FAM234B: variants seen among roughly 807,000 people sequenced by gnomAD.
FAM234B encodes the protein protein FAM234B.
A neutral mutation model predicts 69.3 loss-of-function variants in FAM234B; 33 were observed. The ratio of observed to expected loss-of-function variants is 0.48; its 90% CI spans 0.36 to 0.64. The LOEUF (loss-of-function observed/expected upper bound fraction) is 0.64. Ranked by LOEUF, FAM234B falls within the 30% of genes least tolerant of loss-of-function variation. The pLI, the probability that FAM234B is intolerant of heterozygous loss-of-function variation, is 0.00. For synonymous variants in FAM234B, 306 were observed against 306.9 expected (o/e 1.00, Z 0.03); for missense variants, 697 against 769.7 (o/e 0.91, Z 1.12).
At chr12:13,079,240 CCTA>C (rs1865196715) in intron 11 of FAM234B, among the ~76,000 whole-genome samples, 1 of 152,082 alleles carries the variant, frequency 6.6e-6, no homozygotes, top group Non-Finnish European at 1.5e-5. Flanking sequence ...ACGCTGCATA[CCTA>C]CAACTATCTG....
At chr12:13,054,205 A>G (rs1223807790) in intron 1 of FAM234B, among the ~76,000 whole-genome samples, 1 of 152,208 alleles carries the variant, frequency 6.6e-6, no homozygotes, top group Non-Finnish European at 1.5e-5. Context: ...AAAGACAGGC[A>G]TAAGAAATTA....
At chr12:13,070,172 GATATATATATATATATATATATAT>G (rs66463903) in intron 9 of FAM234B, among the ~76,000 whole-genome samples, 8 of 139,776 alleles carry the variant, frequency 5.7e-5, no homozygotes, top group African/African-American at 1.6e-4. Context: ...ATTAAAAAAA[GATATATATATATATATATATATAT>G]ATATATATAT....
intron 3 of FAM234B, 31 bp from the exon 4 acceptor site, chr12:13,061,544 T>C (rs1864982201): frequency 6.3e-7 from 1 of 1,578,232 alleles, no homozygotes; most frequent in Non-Finnish European, 8.6e-7. Flanking sequence ...TTGCCTGCTT[T>C]CCTTTTTTTA....
At chr12:13,079,051 T>C (rs1223940510) in intron 11 of FAM234B, among the ~76,000 whole-genome samples, 1 of 152,000 alleles carries the variant, frequency 6.6e-6, no homozygotes, top group Non-Finnish European at 1.5e-5. Context: ...TTAAAGTTCA[T>C]ATGGAACCAA....
At chr12:13,057,400 A>C (rs968084883) in intron 2 of FAM234B, among the ~76,000 whole-genome samples, 1 of 152,022 alleles carries the variant, frequency 6.6e-6, no homozygotes, top group Non-Finnish European at 1.5e-5. Flanking sequence ...CATGGTATGA[A>C]TATCTCATGA....
chr12:13,070,439 C>CGG (rs1865093515), intron 9 of FAM234B, among the ~76,000 whole-genome samples: 1 of 151,942 alleles, frequency 6.6e-6, no homozygotes, highest in South Asian at 2.1e-4. Context: ...ATAGGGCAAG[C>CGG]GGTTGTCCAA....
At chr12:13,066,998 ACCCACTTAATCACCTC>A in intron 6 of FAM234B, 141 bp from the exon 7 acceptor site, 2 of 957,146 alleles carry the variant, frequency 2.1e-6, no homozygotes, top group Non-Finnish European at 3.1e-6. Context: ...CTTGTCCAGC[ACCCACTTAATCACCTC>A]CCCACTTGTT....
Position 13,079,864 on chromosome 12 carries a change from C to A in FAM234B, c.1718C>A (p.Ala573Glu), listed in dbSNP as rs759108959. 6.2e-6 allele frequency: 10 copies of A among 1,613,968 alleles called. No homozygotes were observed. The highest frequency in any genetic ancestry group is 6.8e-6 in the Non-Finnish European group (8 of 1,179,974). Residue 573 changes from alanine to glutamate, a missense_variant, in exon 12 of 13, where the codon GCA becomes GAA. Around this residue, in one of 3 missense-constraint regions of FAM234B, gnomAD observed 313 missense variants for 305.5 expected, o/e 1.02. Coordinates refer to ENST00000197268, the MANE Select transcript of FAM234B (RefSeq NM_020853.2). ...TTGPSSEGHP[A>E]ALVVSKLSLR... is the part of the protein sequence containing the mutation. ...GGGCCAAGCTCCGAAGGCCATCCAG[C>A]AGCCCTGGTGGTCAGCAAGCTTAGT... is the stretch of plus-strand genomic sequence containing the variant.
At chr12:13,061,481 A>G in intron 3 of FAM234B, 94 bp from the exon 4 acceptor site, 1 of 1,031,804 alleles carries the variant, frequency 9.7e-7, no homozygotes, top group South Asian at 1.6e-5. Context: ...CTGCCTTACC[A>G]CCATCCACTT....
intron 4 of FAM234B, 122 bp from the exon 5 acceptor site, chr12:13,062,723 G>A: frequency 1.0e-6 from 1 of 982,524 alleles, no homozygotes. Context: ...CAATAAGTAG[G>A]TAGGAGTTGC....
chr12:13,050,846 C>A (rs1180080166), intron 1 of FAM234B, among the ~76,000 whole-genome samples: 1 of 152,192 alleles, frequency 6.6e-6, no homozygotes, highest in African/African-American at 2.4e-5. Context: ...CAGTTGTCAT[C>A]ATCGTCATCA....
At chr12:13,046,053 G>T (rs1864807251) in intron 1 of FAM234B, among the ~76,000 whole-genome samples, 1 of 152,180 alleles carries the variant, frequency 6.6e-6, no homozygotes, top group Non-Finnish European at 1.5e-5. Context: ...AGGCAGCTTG[G>T]CCCTGAGCCC....
At chr12:13,054,852 T>C (rs1331029587) in intron 1 of FAM234B, among the ~76,000 whole-genome samples, 3 of 152,182 alleles carry the variant, frequency 2.0e-5, no homozygotes, top group Non-Finnish European at 4.4e-5. Context: ...GCAAAGCACC[T>C]TCAAGACAAG....
chr12:13,060,147 G>A (rs533877661), intron 3 of FAM234B, among the ~76,000 whole-genome samples: 1 of 152,218 alleles, frequency 6.6e-6, no homozygotes, highest in Admixed American at 6.5e-5. Context: ...AACTTGCCCA[G>A]TCCTACTGCT....
intron 1 of FAM234B, among the ~76,000 whole-genome samples, chr12:13,055,324 G>T (rs1864916745): frequency 6.6e-6 from 1 of 152,208 alleles, no homozygotes; most frequent in Admixed American, 6.5e-5. Flanking sequence ...TTAAACTCAT[G>T]CAGGCAGTGA....
chr12:13,077,320 G>T (rs1389786429), intron 11 of FAM234B, among the ~76,000 whole-genome samples: 1 of 151,560 alleles, frequency 6.6e-6, no homozygotes. Context: ...TGCACAATGT[G>T]CAGGTTAGTT....
intron 1 of FAM234B, among the ~76,000 whole-genome samples, chr12:13,053,637 G>A (rs143478018): frequency 6.4e-4 from 98 of 152,242 alleles, no homozygotes; most frequent in African/African-American, 2.3e-3. Flanking sequence ...AGATCACAAG[G>A]CAAAGGCAAA....
At position 13,079,966 on chromosome 12, in the gene FAM234B, G is replaced by A. The variant is rs1293287586; in HGVS notation, c.1820G>A (p.Arg607Gln). Residue 607 changes from arginine to glutamine, a missense_variant, in exon 12 of 13, where the codon CGA (arginine) becomes CAA (glutamine). This residue lies in a region of FAM234B where 313 missense variants were observed against 305.5 expected (regional missense o/e 1.02). Coordinates refer to ENST00000197268, the MANE Select transcript of FAM234B (RefSeq NM_020853.2). ...STPKIGRGELRRFLSRIKFVE... is the reference protein window; with the variant it reads ...STPKIGRGELQRFLSRIKFVE... ...CCCAAAATTGGCCGTGGGGAGCTGC[G>A]AAGATTTCTCTCTAGGATAAAGTTT... is the stretch of plus-strand genomic sequence containing the variant. The A allele has an allele frequency of 4.3e-6, 7 of 1,612,048 alleles. No individual in the cohort carries two copies. The highest frequency in any genetic ancestry group is 1.1e-5 in the South Asian group (1 of 90,766).
intron 1 of FAM234B, among the ~76,000 whole-genome samples, chr12:13,054,494 A>C (rs1189405889): frequency 2.6e-5 from 4 of 152,216 alleles, no homozygotes; most frequent in African/African-American, 9.6e-5. Context: ...AAATGACATC[A>C]CCAAGGCCAT....
Sources: gnomAD v4.1 joint callset for allele counts (sites outside exome capture counted in the v4.1 genomes callset) on GRCh38, gnomAD v4.1.1 for gene constraint, gnomAD v4.1.1 regional missense constraint, MANE v1.5 for transcripts, NCBI Gene and HGNC (gene_info 2026-07-23, HGNC 2026-07-21) for gene names.